DOCK4: variants seen among roughly 807,000 people sequenced by gnomAD.
The protein encoded by DOCK4 is dedicator of cytokinesis 4, also known as dedicator of cytokinesis protein 4.
Under a neutral mutation model 268.1 loss-of-function variants are expected in DOCK4, and 97 were observed. That is an observed-to-expected ratio of 0.36 (90% CI 0.31 to 0.43). The LOEUF (loss-of-function observed/expected upper bound fraction) is 0.43. Ranked by LOEUF, DOCK4 falls within the 20% of genes least tolerant of loss-of-function variation. The pLI is 1.00. For missense variants in DOCK4, 2,145 were observed against 2,455.7 expected, an observed-to-expected ratio of 0.87 and a Z score of 2.67; for synonymous variants, 954 against 887.2, an observed-to-expected ratio of 1.08 and a Z score of -1.34.
At chr7:111,821,518 T>C (rs1801980219) in intron 27 of DOCK4, 2 of 152,308 alleles carry the variant, frequency 1.3e-5, no homozygotes, top group African/African-American at 2.4e-5. Flanking sequence ...GACACTGTAC[T>C]CTCCGGGATC....
rs935618476 is a variant in DOCK4, at chr7:112,022,169, T to C, written c.38-18038A>G. On this transcript the variant is annotated intron_variant, in intron 1 of 52. Transcript: ENST00000428084. The stretch of plus-strand genomic sequence containing the variant: ...TCCCCCTAGGAAATGCTGTGGTATG[T>C]GTTTAGCGCGGTATAATCACTCACT... Among the ~76,000 whole-genome samples the C allele has an allele frequency of 3.4e-4, 51 of 152,208 alleles. 1 individual carries two copies. Among genetic ancestry groups the C allele is most frequent in the Admixed American group, 2.9e-3 (44 of 15,278 alleles).
At chr7:112,065,177 T>A (rs1806803607) in intron 1 of DOCK4, among the ~76,000 whole-genome samples, 1 of 152,114 alleles carries the variant, frequency 6.6e-6, no homozygotes, top group East Asian at 1.9e-4. Flanking sequence ...ACTTCGAACA[T>A]CTCTGTGCAT....
intron 1 of DOCK4, among the ~76,000 whole-genome samples, chr7:112,024,406 A>C (rs923479406): frequency 6.6e-6 from 1 of 152,106 alleles, no homozygotes; most frequent in African/African-American, 2.4e-5. Flanking sequence ...TACTCAACCC[A>C]CAATCCAAAA....
intron 30 of DOCK4, chr7:111,801,756 C>G (rs1396962180): frequency 1.4e-5 from 2 of 141,948 alleles, no homozygotes; most frequent in African/African-American, 5.1e-5. Context: ...GTGGTGCGAT[C>G]TCAGCTCACT....
At chr7:112,141,205 T>C (rs57799961) in intron 1 of DOCK4, among the ~76,000 whole-genome samples, 6,123 of 152,218 alleles carry the variant, frequency 0.04, 194 homozygotes, top group African/African-American at 0.088. Flanking sequence ...TAAACCCCTC[T>C]GAAAAATCCT....
At chr7:111,831,767 G>A (rs1165861606) in intron 26 of DOCK4, among the ~76,000 whole-genome samples, 1 of 152,092 alleles carries the variant, frequency 6.6e-6, no homozygotes, top group African/African-American at 2.4e-5. Context: ...CAAATTACAG[G>A]CATGAGGTAC....
intron 25 of DOCK4, among the ~76,000 whole-genome samples, chr7:111,842,888 C>T (rs1467753152): frequency 6.6e-6 from 1 of 152,190 alleles, no homozygotes; most frequent in Non-Finnish European, 1.5e-5. Context: ...CTATCACTGT[C>T]TCACCATAAC....
intron 2 of DOCK4, among the ~76,000 whole-genome samples, chr7:112,003,760 A>C (rs1192817440): frequency 6.6e-6 from 1 of 152,170 alleles, no homozygotes; most frequent in African/African-American, 2.4e-5. Flanking sequence ...GATTCTGAGA[A>C]AAACCTTCTA....
At chr7:112,172,340 G>A (rs1818158537) in intron 1 of DOCK4, among the ~76,000 whole-genome samples, 1 of 152,138 alleles carries the variant, frequency 6.6e-6, no homozygotes, top group African/African-American at 2.4e-5. Flanking sequence ...ATCTCTTCTT[G>A]GTGGCCACCA....
chr7:112,137,749 G>T (rs1250014307), intron 1 of DOCK4, among the ~76,000 whole-genome samples: 9 of 152,118 alleles, frequency 5.9e-5, no homozygotes, highest in Non-Finnish European at 1.3e-4. Context: ...CCAAGCCAAG[G>T]TTCTGCAGCC....
chr7:112,096,870 G>A (rs1446685978), intron 1 of DOCK4, among the ~76,000 whole-genome samples: 1 of 152,166 alleles, frequency 6.6e-6, no homozygotes, highest in African/African-American at 2.4e-5. Context: ...ACAGTACTGG[G>A]GAACACAGAA....
chr7:111,791,600 C>T (rs1358506445), intron 30 of DOCK4, among the ~76,000 whole-genome samples: 1 of 151,980 alleles, frequency 6.6e-6, no homozygotes, highest in Non-Finnish European at 1.5e-5. Flanking sequence ...AGGCACATGA[C>T]ACCATGGCCA....
intron 1 of DOCK4, among the ~76,000 whole-genome samples, chr7:112,105,457 A>G (rs1811055084): frequency 6.6e-6 from 1 of 151,856 alleles, no homozygotes. Context: ...TTACATCATC[A>G]TGAGAGTGAA....
intron 36 of DOCK4, among the ~76,000 whole-genome samples, chr7:111,777,063 C>A (rs1798490357): frequency 6.6e-6 from 1 of 152,170 alleles, no homozygotes; most frequent in South Asian, 2.1e-4. Flanking sequence ...AAGCGATCCA[C>A]CTGCCTTGGC....
chr7:111,730,438 T>C (rs1795003320), intron 52 of DOCK4, among the ~76,000 whole-genome samples: 1 of 152,220 alleles, frequency 6.6e-6, no homozygotes, highest in Non-Finnish European at 1.5e-5. Flanking sequence ...CTAACTTGAC[T>C]TTGGTTTCTC....
chr7:112,153,367 A>G (rs752605859), intron 1 of DOCK4, among the ~76,000 whole-genome samples: 1 of 152,188 alleles, frequency 6.6e-6, no homozygotes, highest in Non-Finnish European at 1.5e-5. Flanking sequence ...CACAACTTTG[A>G]CATATAAGTA....
At position 111,994,204 on chromosome 7, in the gene DOCK4, T is replaced by G. The variant is rs1799745618; in HGVS notation, c.246A>C (p.Glu82Asp). Reference sequence around the variant, plus strand: ...ATGTCATTTCTGTGATAACAGAGTCTTCAGTGGGAATAACCATTTCAAATT... The same window carrying G: ...ATGTCATTTCTGTGATAACAGAGTCGTCAGTGGGAATAACCATTTCAAATT... ...KGQFEMVIPT[E>D]DSVITEMTST... is the part of the protein sequence containing the mutation. Residue 82 changes from glutamate (E) to aspartate (D), a missense_variant, in exon 5 of 53, where the codon GAA (glutamate) becomes GAC (aspartate). By Grantham distance (45) the Glu-to-Asp change is conservative. Transcript: ENST00000428084. The G allele has an allele frequency of 1.2e-6, 2 of 1,603,042 alleles. No individual in the cohort carries two copies. The highest frequency in any genetic ancestry group is 1.7e-6 in the Non-Finnish European group (2 of 1,172,796).
At chr7:111,800,907 T>C (rs1372101388) in intron 30 of DOCK4, among the ~76,000 whole-genome samples, 1 of 152,204 alleles carries the variant, frequency 6.6e-6, no homozygotes, top group Non-Finnish European at 1.5e-5. Flanking sequence ...CAGGAGTTAT[T>C]AAGAAATAAC....
At chr7:111,884,325 TGTAAC>T (rs1266779546) in intron 16 of DOCK4, among the ~76,000 whole-genome samples, 1 of 152,180 alleles carries the variant, frequency 6.6e-6, no homozygotes, top group Non-Finnish European at 1.5e-5. Flanking sequence ...GGCAAGATAT[TGTAAC>T]GTAAGGAGCT....
Sources: gnomAD v4.1 joint callset for allele counts (sites outside exome capture counted in the v4.1 genomes callset) on GRCh38, gnomAD v4.1.1 for gene constraint, MANE v1.5 for transcripts, NCBI Gene and HGNC (gene_info 2026-07-23, HGNC 2026-07-21) for gene names.